The following HECTD4 variants were observed in gnomAD, a reference collection of about 807,000 sequenced individuals.
HECTD4 encodes the protein probable E3 ubiquitin-protein ligase HECTD4.
In HECTD4, 114 loss-of-function variants were observed where a neutral mutation model predicts 471.5. The ratio of observed to expected loss-of-function variants is 0.24; its 90% CI spans 0.21 to 0.28. HECTD4 has a LOEUF of 0.28. Ranked by LOEUF, HECTD4 falls within the 10% of genes least tolerant of loss-of-function variation. The pLI, the probability that HECTD4 is intolerant of heterozygous loss-of-function variation, is 1.00. For missense variants in HECTD4, 3,866 were observed against 5,651.5 expected (o/e 0.68, Z 10.13); for synonymous variants, 2,012 against 2,256.0 (o/e 0.89, Z 3.07).
rs1354654760 is a variant in HECTD4 at position 112,160,991 on chromosome 12, G to A, written c.*1396C>T. The A allele has an allele frequency of 6.6e-6, 1 of 152,304 alleles. No individual in the cohort carries two copies. The highest frequency in any genetic ancestry group is 1.9e-4 in the East Asian group (1 of 5,186). The allele number at this position is 152,304 out of a possible 1,614,324, so 9.4% of individuals were successfully genotyped here. On this transcript the variant is annotated 3_prime_UTR_variant, in exon 76 of 76. Coordinates refer to ENST00000682272, the MANE Select transcript of HECTD4 (RefSeq NM_001388303.1). ...TGCATTTCCTAAGAGTTACAGGGAG[G>A]AGATGGATGCTAACGGCTCTATCTC...
At chr12:112,322,387 A>AG (rs2035604234) in intron 1 of HECTD4, 1 of 152,704 alleles carries the variant, frequency 6.5e-6, no homozygotes, top group South Asian at 2.1e-4. Context: ...GAAAAAAAAA[A>AG]GAAATGATGC....
chr12:112,231,509 T>C lies in HECTD4; in HGVS notation c.6200+4A>G. 1.2e-6 allele frequency: 2 copies of C among 1,613,866 alleles called. No homozygotes were observed. The highest frequency in any genetic ancestry group is 1.7e-5 in the Admixed American group (1 of 60,022). ...TGGACAGCTCCTACCTGTGGAAGGT[T>C]TACCTTGCAAGCTCCGAGTTCCTCT... On this transcript the variant is annotated splice_donor_region_variant and intron_variant, in intron 39 of 75. Coordinates refer to ENST00000682272, the MANE Select transcript of HECTD4 (RefSeq NM_001388303.1).
rs1320464687 is a variant in HECTD4 at position 112,270,421 on chromosome 12, A to T, written c.1981T>A (p.Leu661Met). The change falls in exon 12 of 76, where the codon TTG becomes ATG. Residue 661 changes from leucine (L) to methionine (M), a missense_variant. Physicochemically the swap from Leu to Met is conservative, Grantham distance 15 (BLOSUM62 2). This residue lies in a region of HECTD4 where 525 missense variants were observed against 672.6 expected (regional missense o/e 0.78). Coordinates refer to ENST00000682272, the MANE Select transcript of HECTD4 (RefSeq NM_001388303.1). ...ITTNEVINQL[L>M]HHVGAMCIHQ... ...ATGCACATCGCACCAACGTGGTGCA[A>T]TAATTGGTTTATAACCTCATTCGTG... 1 of 1,614,026 alleles carries T rather than the reference A, an allele frequency of 6.2e-7. No individual in the cohort carries two copies. The highest frequency in any genetic ancestry group is 1.7e-5 in the Admixed American group (1 of 60,028).
At chr12:112,171,909 A>G (rs998904820) in intron 67 of HECTD4, among the ~76,000 whole-genome samples, 3 of 152,040 alleles carry the variant, frequency 2.0e-5, no homozygotes, top group Non-Finnish European at 4.4e-5. Context: ...GTGCAATCCT[A>G]GTTTTTTTTT....
At chr12:112,302,193 C>G (rs1357651756) in intron 7 of HECTD4, 2 of 1,267,320 alleles carry the variant, frequency 1.6e-6, no homozygotes, top group Admixed American at 1.9e-5. Context: ...GAATCCACAT[C>G]GTGTGCAATC....
chr12:112,347,254 A>C (rs1019508675), intron 1 of HECTD4, among the ~76,000 whole-genome samples: 2 of 152,166 alleles, frequency 1.3e-5, no homozygotes, highest in Non-Finnish European at 2.9e-5. Flanking sequence ...TCATGTCTGT[A>C]ATCCCAGGAC....
Position 112,192,480 on chromosome 12 carries a change from A to G in HECTD4, c.9292+80T>C, listed in dbSNP as rs1021591042. On this transcript the variant is annotated intron_variant, in intron 59 of 75. Coordinates refer to ENST00000682272, the MANE Select transcript of HECTD4 (RefSeq NM_001388303.1). ...AGGAACTGGAACATGCAAGGTACAA[A>G]ATTCATTATAGCTTCAAAAAGAAGG... is the stretch of plus-strand genomic sequence containing the variant. 3 of 1,146,554 alleles carry G rather than the reference A, an allele frequency of 2.6e-6. No individual in the cohort carries two copies. The African/African-American group carries it at 4.8e-5, about 18-fold the overall frequency. 71.0% of individuals were successfully genotyped at this position (1,146,554 alleles called of 1,614,324 possible).
chr12:112,338,413 G>C (rs1248532014), intron 1 of HECTD4, among the ~76,000 whole-genome samples: 2 of 152,152 alleles, frequency 1.3e-5, no homozygotes, highest in African/African-American at 4.8e-5. Context: ...TGGAGGCCAG[G>C]AATTTGAGAC....
At chr12:112,185,545 TC>T in intron 60 of HECTD4, 52 bp from the exon 61 acceptor site, 2 of 1,387,050 alleles carry the variant, frequency 1.4e-6, no homozygotes, top group Non-Finnish European at 2.0e-6. Flanking sequence ...CTGGCTATGT[TC>T]CAGGCGCAGT....
chr12:112,372,232 C>A (rs1345424941), intron 1 of HECTD4, among the ~76,000 whole-genome samples: 7 of 151,612 alleles, frequency 4.6e-5, no homozygotes, highest in African/African-American at 1.5e-4. Flanking sequence ...CCCACCTCAG[C>A]CTCCCAAGTA....
At chr12:112,292,462 G>C (rs566776069) in intron 7 of HECTD4, among the ~76,000 whole-genome samples, 6 of 152,204 alleles carry the variant, frequency 3.9e-5, no homozygotes, top group African/African-American at 1.4e-4. Context: ...CTGTGCTTCT[G>C]TCTCCTCCAC....
intron 60 of HECTD4, among the ~76,000 whole-genome samples, chr12:112,185,948 G>C (rs1325632282): frequency 6.6e-6 from 1 of 152,072 alleles, no homozygotes; most frequent in Non-Finnish European, 1.5e-5. Context: ...CCTGATTTTT[G>C]CCAACAAGAA....
At chr12:112,254,193 TAAAAGA>T in intron 21 of HECTD4, 31 bp from the exon 22 acceptor site, 1 of 1,600,856 alleles carries the variant, frequency 6.2e-7, no homozygotes, top group Non-Finnish European at 8.5e-7. Flanking sequence ...TGTTAGACTG[TAAAAGA>T]AAAACAAAAA....
chr12:112,277,869 T>C (rs1421557490), intron 9 of HECTD4, among the ~76,000 whole-genome samples: 1 of 152,208 alleles, frequency 6.6e-6, no homozygotes, highest in Non-Finnish European at 1.5e-5. Context: ...CACATTTTTT[T>C]TAATGGGAAA....
rs59590181 is a variant in HECTD4, at chr12:112,367,820, C to CAA, written c.177+14130_177+14131dup. On this transcript the variant is annotated intron_variant, in intron 1 of 75. Coordinates refer to ENST00000682272, the MANE Select transcript of HECTD4 (RefSeq NM_001388303.1). ...TGGGCAACAGAGGGAGACTCCATCT[C>CAA]AAAAAAAAAAAAAAAAAAAAAAAAA... is the stretch of plus-strand genomic sequence containing the variant. Among the ~76,000 whole-genome samples the CAA allele has an allele frequency of 5.2e-3, 65 of 12,572 alleles. 13 individuals carry two copies. The highest frequency in any genetic ancestry group is 8.1e-3 in the African/African-American group (45 of 5,544). 8.2% of individuals were successfully genotyped at this position (12,572 alleles called of 152,430 possible). A position where few individuals can be genotyped will look rare whatever the true frequency, so the allele number is the denominator to read the frequency against.
chr12:112,221,001 G>A (rs1241294384), intron 44 of HECTD4, among the ~76,000 whole-genome samples: 1 of 152,114 alleles, frequency 6.6e-6, no homozygotes, highest in Non-Finnish European at 1.5e-5. Context: ...GCCCAGGCTG[G>A]AGTGCAATGG....
At chr12:112,285,260 T>C (rs1432852596) in intron 7 of HECTD4, among the ~76,000 whole-genome samples, 1 of 152,158 alleles carries the variant, frequency 6.6e-6, no homozygotes, top group Non-Finnish European at 1.5e-5. Context: ...AACATCTTCA[T>C]TTGCTTAAAT....
At chr12:112,176,080 C>T (rs1197115879) in intron 65 of HECTD4, among the ~76,000 whole-genome samples, 1 of 152,236 alleles carries the variant, frequency 6.6e-6, no homozygotes, top group African/African-American at 2.4e-5. Flanking sequence ...CTCTGTCTCC[C>T]TCAACAGGCT....
In HECTD4 at chr12:112,380,718, G is replaced by T. The variant is rs190158394; in HGVS notation, c.177+1234C>A. 1.7e-3 allele frequency among the ~76,000 whole-genome samples: 264 copies of T among 152,180 alleles called. 2 individuals are homozygous for T. The highest frequency in any genetic ancestry group is 6.2e-3 in the African/African-American group (257 of 41,532). ...AATAAGTCAATTAAGAGTTCATAAC[G>T]GAAGTGCTGAAGCAACCGCAAATCC... On this transcript the variant is annotated intron_variant, in intron 1 of 75. Coordinates refer to ENST00000682272, the MANE Select transcript of HECTD4 (RefSeq NM_001388303.1).
Sources: allele counts gnomAD v4.1 joint callset (sites outside exome capture counted in the v4.1 genomes callset), GRCh38; gene constraint gnomAD v4.1.1; regional missense constraint gnomAD v4.1.1; transcripts MANE v1.5; gene names NCBI Gene and HGNC (gene_info 2026-07-23, HGNC 2026-07-21).